The following GRIP2 variants were observed in gnomAD, a reference collection of about 807,000 sequenced individuals.
GRIP2 encodes the protein glutamate receptor-interacting protein 2.
Under a neutral mutation model 108.3 loss-of-function variants are expected in GRIP2, and 58 were observed. That is an observed-to-expected ratio of 0.54 (90% CI 0.43 to 0.67). The LOEUF (loss-of-function observed/expected upper bound fraction) is 0.67, where lower values mean the gene tolerates loss of function less well. GRIP2 is among the 30% of genes least tolerant of loss of function. The probability of loss-of-function intolerance (pLI) is 0.00; values close to 1 mark genes in which losing one functional copy is unlikely to be tolerated. For missense variants in GRIP2, 1,278 were observed against 1,430.6 expected (o/e 0.89, Z 1.72); for synonymous variants, 586 against 598.2 (o/e 0.98, Z 0.30).
In GRIP2 at chr3:14,521,712, G is replaced by T. The variant is rs549192518; in HGVS notation, c.642C>A (p.Thr214=). Residue 214 remains threonine, a synonymous_variant, in exon 7 of 24, where the codon ACC becomes ACA. Coordinates refer to ENST00000621039, the MANE Select transcript of GRIP2 (RefSeq NM_001080423.4). The surrounding 1 kb of genome is among the most constrained non-coding windows in gnomAD (Gnocchi z 5.1). Reference sequence around the variant, plus strand: ...TGCACTGCCGCAGGGTGGCCAGGGCGGTGGCATGGCTGGCCCCGTGCAGCG... The same window carrying T: ...TGCACTGCCGCAGGGTGGCCAGGGCTGTGGCATGGCTGGCCCCGTGCAGCG... ...GIPLHGASHA[T]ALATLRQCSH... is the part of the protein sequence containing the mutation. The T allele has an allele frequency of 2.5e-6, 4 of 1,611,154 alleles. No individual in the cohort carries two copies. The highest frequency in any genetic ancestry group is 1.7e-6 in the Non-Finnish European group (2 of 1,179,002).
the GRIP2 span, among the ~76,000 whole-genome samples, chr3:14,582,864 C>T: frequency 2.0e-5 from 3 of 152,228 alleles, no homozygotes; most frequent in Non-Finnish European, 4.4e-5. Context: ...ACTTAAGATC[C>T]ATCAGGGCAA....
chr3:14,593,667 A>C, the GRIP2 span, among the ~76,000 whole-genome samples: 19 of 152,216 alleles, frequency 1.2e-4, no homozygotes, highest in African/African-American at 4.1e-4. Flanking sequence ...GGTTGACAAC[A>C]TCCCTCATAC....
At chr3:14,526,111 C>T (rs1309268104) in intron 1 of GRIP2, 180 bp from the exon 2 acceptor site, 1 of 632,046 alleles carries the variant, frequency 1.6e-6, no homozygotes, top group African/African-American at 1.8e-5. Flanking sequence ...CAAAGAAAGC[C>T]TGGCCCCTGC....
In GRIP2 at chr3:14,503,486, A is replaced by C. The variant is rs547762161; in HGVS notation, c.2679+80T>G. The C allele has an allele frequency of 3.9e-5, 37 of 948,484 alleles. No individual in the cohort carries two copies. The East Asian group carries it at 8.9e-4, about 23-fold the overall frequency. 58.8% of individuals were successfully genotyped at this position (948,484 alleles called of 1,614,324 possible). On this transcript the variant is annotated intron_variant, in intron 21 of 23. Coordinates refer to ENST00000621039, the MANE Select transcript of GRIP2 (RefSeq NM_001080423.4). Reference sequence around the variant, plus strand: ...TACACATGAGCATGATGCCATCAGCATGCCTTCCTCCCATTGCACACACAC... The same window carrying C: ...TACACATGAGCATGATGCCATCAGCCTGCCTTCCTCCCATTGCACACACAC...
At chr3:14,578,412 G>A in the GRIP2 span, among the ~76,000 whole-genome samples, 287 of 152,268 alleles carry the variant, frequency 1.9e-3, 1 homozygote, top group Admixed American at 6.3e-3. Context: ...GCATATGTGG[G>A]TGCTAATAAG....
At chr3:14,502,291 G>A (rs1306948222) in intron 21 of GRIP2, among the ~76,000 whole-genome samples, 2 of 152,200 alleles carry the variant, frequency 1.3e-5, no homozygotes, top group Non-Finnish European at 2.9e-5. Flanking sequence ...CCAGAAGTTC[G>A]AGACCAGTCT....
At chr3:14,510,243 C>G (rs1427279301) in intron 16 of GRIP2, among the ~76,000 whole-genome samples, 1 of 149,102 alleles carries the variant, frequency 6.7e-6, no homozygotes, top group African/African-American at 2.5e-5. Context: ...GCAAAGGGAA[C>G]CCCGATCATC....
chr3:14,556,071 G>C (rs911313697), exon 1 of GRIP2: 2 of 398,182 alleles, frequency 5.0e-6, no homozygotes, highest in Admixed American at 4.4e-5. Flanking sequence ...CAGGCTGGGC[G>C]CTCCCTTCCT....
At chr3:14,529,688 T>C (rs1424654532) in intron 1 of GRIP2, among the ~76,000 whole-genome samples, 1 of 152,224 alleles carries the variant, frequency 6.6e-6, no homozygotes, top group Non-Finnish European at 1.5e-5. Flanking sequence ...TTTTAAATAT[T>C]TTGAACATTC....
At chr3:14,540,443 T>C, upstream of GRIP2, 2 of 1,573,814 alleles carry the variant, frequency 1.3e-6, no homozygotes, top group Admixed American at 1.8e-5. This position sits in a 1 kb window ranked among gnomAD's most constrained non-coding sequence, Gnocchi z 4.1. Context: ...GTCCACCCAC[T>C]GCAGCGGGCG....
chr3:14,571,615 G>A, the GRIP2 span, among the ~76,000 whole-genome samples: 4 of 152,170 alleles, frequency 2.6e-5, no homozygotes, highest in Admixed American at 6.5e-5. Context: ...AGTGGTCATC[G>A]AGAACCAGGG....
upstream of GRIP2, among the ~76,000 whole-genome samples, chr3:14,546,512 C>T (rs949245105): frequency 5.9e-5 from 9 of 152,222 alleles, no homozygotes; most frequent in East Asian, 1.5e-3. Flanking sequence ...TCATTTTCCC[C>T]TTCAGTTGAG....
rs1295940650 is a variant in GRIP2 at position 14,494,863 on chromosome 3, G to T, written c.2950C>A (p.Pro984Thr). ...DGPAHRGGLQ[P>T]FDRVLQVNHV... ...ATTACCTGCAGGACCCTGTCGAAGG[G>T]CTGGAGGCCTCCACGGTGGGCTGGC... Residue 984 changes from proline to threonine, a missense_variant, in exon 23 of 24, where the codon CCC (proline) becomes ACC (threonine). Physicochemically the swap from Pro to Thr is conservative, Grantham distance 38. Coordinates refer to ENST00000621039, the MANE Select transcript of GRIP2 (RefSeq NM_001080423.4). 1 of 1,613,506 alleles carries T rather than the reference G, an allele frequency of 6.2e-7. No homozygotes were observed. The highest frequency in any genetic ancestry group is 8.5e-7 in the Non-Finnish European group (1 of 1,179,698).
chr3:14,522,031 C>T lies in GRIP2; in HGVS notation c.567-244G>A, dbSNP rs565933252. The T allele has an allele frequency of 3.0e-4, 155 of 522,766 alleles. 1 individual carries two copies. The highest frequency in any genetic ancestry group is 6.4e-5 in the Non-Finnish European group (19 of 296,748). 32.4% of individuals were successfully genotyped at this position (522,766 alleles called of 1,614,324 possible). On this transcript the variant is annotated intron_variant, in intron 6 of 23. Coordinates refer to ENST00000621039, the MANE Select transcript of GRIP2 (RefSeq NM_001080423.4). The surrounding 1 kb of genome is among the most constrained non-coding windows in gnomAD (Gnocchi z 4.3). ...GATGGGGTGGCTCTGCCGCCTGCCACTCCTCTGGGTGTGCAGTAATTCACA... is the reference window on the plus strand; with the variant it reads ...GATGGGGTGGCTCTGCCGCCTGCCATTCCTCTGGGTGTGCAGTAATTCACA...
chr3:14,540,344 C>T (rs1436765279), upstream of GRIP2: 2 of 1,612,784 alleles, frequency 1.2e-6, no homozygotes, highest in Non-Finnish European at 8.5e-7. This position sits in a 1 kb window ranked among gnomAD's most constrained non-coding sequence, Gnocchi z 4.1. Flanking sequence ...CACCAACTCC[C>T]TCGGGAGCCA....
At chr3:14,508,779 A>G (rs905357203) in intron 17 of GRIP2, among the ~76,000 whole-genome samples, 1 of 152,222 alleles carries the variant, frequency 6.6e-6, no homozygotes, top group Non-Finnish European at 1.5e-5. Context: ...CATGTTCTTA[A>G]TGGTTTTTAT....
Position 14,524,522 on chromosome 3 carries a change from T to A in GRIP2, c.274A>T (p.Ile92Phe). 1 of 1,553,614 alleles carries A rather than the reference T, an allele frequency of 6.4e-7. No homozygotes were observed. Among genetic ancestry groups the A allele is most frequent in the African/African-American group, 1.4e-5 (1 of 73,296 alleles). Residue 92 changes from isoleucine (I) to phenylalanine (F), a missense_variant, in exon 4 of 24, where the codon ATT becomes TTT. Ile to Phe is a conservative substitution (Grantham distance 21). Transcript: ENST00000621039. ...TTCACAGACCGAATATAGTCACCAA[T>A]GTTCAGCAGATCACTCCTAGAGCAG... Reference protein sequence around the residue: ...GLAARSDLLNIGDYIRSVNGI... With the variant: ...GLAARSDLLNFGDYIRSVNGI...
At chr3:14,509,546 G>A (rs1290625379) in intron 17 of GRIP2, among the ~76,000 whole-genome samples, 1 of 152,254 alleles carries the variant, frequency 6.6e-6, no homozygotes, top group African/African-American at 2.4e-5. Context: ...CCAGACACAG[G>A]TAGGAGCAGG....
upstream of GRIP2, chr3:14,541,901 G>T (rs201496881): frequency 2.7e-4 from 360 of 1,341,512 alleles, no homozygotes; most frequent in Admixed American, 4.7e-4. Context: ...CCCTGGCAGT[G>T]GTCAGGGAGA....
Sources: allele counts gnomAD v4.1 joint callset (sites outside exome capture counted in the v4.1 genomes callset), GRCh38; gene constraint gnomAD v4.1.1; non-coding constraint Gnocchi (gnomAD v3.1); transcripts MANE v1.5; gene names NCBI Gene and HGNC (gene_info 2026-07-23, HGNC 2026-07-21).